SPAG16: variants seen among roughly 807,000 people sequenced by gnomAD.
The protein encoded by SPAG16 is sperm-associated antigen 16 protein.
In SPAG16, 86 loss-of-function variants were observed where a neutral mutation model predicts 80.4. The ratio of observed to expected loss-of-function variants is 1.07; its 90% CI spans 0.90 to 1.28. The LOEUF (loss-of-function observed/expected upper bound fraction) is 1.28. Ranked by LOEUF, SPAG16 falls within the 50% of genes most tolerant of loss-of-function variation. The pLI, the probability that SPAG16 is intolerant of heterozygous loss-of-function variation, is 0.00. For synonymous variants in SPAG16, 294 were observed against 265.9 expected (o/e 1.11, Z -1.03); for missense variants, 870 against 765.3 (o/e 1.14, Z -1.61).
chr2:214,154,259 T>G (rs2056112494), intron 15 of SPAG16, among the ~76,000 whole-genome samples: 1 of 152,206 alleles, frequency 6.6e-6, no homozygotes, highest in Admixed American at 6.5e-5. Context: ...AGCAATATTT[T>G]TCTCTCCTTT....
chr2:214,164,077 T>C (rs1439956677), intron 15 of SPAG16, among the ~76,000 whole-genome samples: 1 of 152,144 alleles, frequency 6.6e-6, no homozygotes, highest in Non-Finnish European at 1.5e-5. Flanking sequence ...GTGATTGTCT[T>C]GACCTTGTCT....
At chr2:214,305,862 T>C (rs1694873926) in intron 15 of SPAG16, among the ~76,000 whole-genome samples, 1 of 151,708 alleles carries the variant, frequency 6.6e-6, no homozygotes, top group Admixed American at 6.6e-5. Flanking sequence ...TGGGCTCTTT[T>C]TTGGTTCTAT....
intron 10 of SPAG16, among the ~76,000 whole-genome samples, chr2:213,558,897 T>C (rs1331786499): frequency 6.6e-6 from 1 of 152,148 alleles, no homozygotes; most frequent in Non-Finnish European, 1.5e-5. Context: ...GATGTTTCAA[T>C]GCATGTCGTG....
At chr2:214,110,274 T>C (rs2053597973) in intron 14 of SPAG16, among the ~76,000 whole-genome samples, 2 of 152,160 alleles carry the variant, frequency 1.3e-5, no homozygotes. Flanking sequence ...CTTCTCCTAA[T>C]GCTATCCCTC....
At chr2:214,389,570 T>C (rs1161596677) in intron 15 of SPAG16, among the ~76,000 whole-genome samples, 1 of 152,218 alleles carries the variant, frequency 6.6e-6, no homozygotes, top group African/African-American at 2.4e-5. Flanking sequence ...TAATGTAGAA[T>C]GTTTGTACTG....
chr2:214,345,399 C>T (rs138245606), intron 15 of SPAG16, among the ~76,000 whole-genome samples: 56 of 152,264 alleles, frequency 3.7e-4, no homozygotes, highest in African/African-American at 1.2e-3. Context: ...TCAGCCCGCT[C>T]TCATCTCTCC....
intron 7 of SPAG16, among the ~76,000 whole-genome samples, chr2:213,357,013 A>C (rs1282348796): frequency 6.6e-6 from 1 of 152,090 alleles, no homozygotes; most frequent in Non-Finnish European, 1.5e-5. Context: ...TGTACCCAGT[A>C]GTCATTCAGG....
At chr2:213,623,516 T>A (rs1160055403) in intron 10 of SPAG16, among the ~76,000 whole-genome samples, 1 of 152,164 alleles carries the variant, frequency 6.6e-6, no homozygotes. Context: ...TCAACTTCTT[T>A]TGTTCCATTG....
At chr2:213,893,542 T>A (rs1457441352) in intron 11 of SPAG16, among the ~76,000 whole-genome samples, 1 of 152,142 alleles carries the variant, frequency 6.6e-6, no homozygotes, top group Non-Finnish European at 1.5e-5. Flanking sequence ...ATATAAAATA[T>A]GTAAACTAAC....
At chr2:214,003,011 A>T (rs1045909341) in intron 12 of SPAG16, among the ~76,000 whole-genome samples, 6 of 152,176 alleles carry the variant, frequency 3.9e-5, no homozygotes, top group African/African-American at 1.4e-4. Flanking sequence ...TCTCAGAATA[A>T]TAAAGGCCTC....
intron 10 of SPAG16, among the ~76,000 whole-genome samples, chr2:213,749,415 GACCTGTGA>G (rs2067982952): frequency 6.6e-6 from 1 of 152,010 alleles, no homozygotes; most frequent in East Asian, 1.9e-4. Context: ...TCCTATCCCT[GACCTGTGA>G]ATCTGTGCTA....
At chr2:213,913,604 C>CAT (rs200376207) in intron 11 of SPAG16, among the ~76,000 whole-genome samples, 93 of 9,114 alleles carry the variant, frequency 0.01, 3 homozygotes, top group South Asian at 0.026. Context: ...TGTATATGTA[C>CAT]ATGTACATAT....
chr2:213,597,253 TC>T (rs1163810213), intron 10 of SPAG16, among the ~76,000 whole-genome samples: 2 of 152,166 alleles, frequency 1.3e-5, no homozygotes. Context: ...ACATTTTTAT[TC>T]AAAGTATTTT....
At chr2:213,919,250 A>C (rs554818801) in intron 11 of SPAG16, among the ~76,000 whole-genome samples, 11 of 150,530 alleles carry the variant, frequency 7.3e-5, no homozygotes, top group Non-Finnish European at 1.2e-4. Context: ...ATTTGGATTC[A>C]TTGATTTTTT....
intron 15 of SPAG16, among the ~76,000 whole-genome samples, chr2:214,397,294 T>C (rs2126138131): frequency 6.6e-6 from 1 of 151,832 alleles, no homozygotes; most frequent in South Asian, 2.1e-4. Flanking sequence ...TAGCTGGGAC[T>C]ACATACAGGC....
intron 9 of SPAG16, among the ~76,000 whole-genome samples, chr2:213,410,672 A>G (rs2068917625): frequency 6.6e-6 from 1 of 152,244 alleles, no homozygotes; most frequent in South Asian, 2.1e-4. Flanking sequence ...CAAGATGCAA[A>G]TGCCTAGTTG....
At chr2:213,984,233 A>G (rs1411622305) in intron 12 of SPAG16, among the ~76,000 whole-genome samples, 3 of 152,114 alleles carry the variant, frequency 2.0e-5, no homozygotes. Flanking sequence ...GTTCTTCTTA[A>G]TATGCTTCAA....
intron 15 of SPAG16, among the ~76,000 whole-genome samples, chr2:214,245,230 A>T (rs1576584265): frequency 6.6e-6 from 1 of 152,262 alleles, no homozygotes; most frequent in East Asian, 1.9e-4. Context: ...ATATAGATTT[A>T]TGTAGATGCT....
chr2:213,352,334 C>A (rs1176575973), intron 7 of SPAG16, among the ~76,000 whole-genome samples: 1 of 152,054 alleles, frequency 6.6e-6, no homozygotes, highest in Non-Finnish European at 1.5e-5. Context: ...TGCTTCTTTT[C>A]ATCTAATCTG....
Sources: gnomAD v4.1 joint callset for allele counts (sites outside exome capture counted in the v4.1 genomes callset) on GRCh38, gnomAD v4.1.1 for gene constraint, MANE v1.5 for transcripts, NCBI Gene and HGNC (gene_info 2026-07-23, HGNC 2026-07-21) for gene names.